ADAMTS2: variants seen among roughly 807,000 people sequenced by gnomAD.
The protein encoded by ADAMTS2 is A disintegrin and metalloproteinase with thrombospondin motifs 2.
A neutral mutation model predicts 123.0 loss-of-function variants in ADAMTS2; 50 were observed. The observed-to-expected ratio is 0.41, with a 90% CI of 0.32 to 0.51. The LOEUF is 0.51. Among genes scored for constraint, ADAMTS2 ranks in the 20% least tolerant of loss-of-function variants. ADAMTS2 has a pLI of 0.35. For synonymous variants in ADAMTS2, 678 were observed against 695.4 expected, an observed-to-expected ratio of 0.98 and a Z score of 0.39; for missense variants, 1,494 against 1,705.2, an observed-to-expected ratio of 0.88 and a Z score of 2.18.
intron 2 of ADAMTS2, among the ~76,000 whole-genome samples, chr5:179,311,134 C>T (rs756039846): frequency 1.1e-4 from 16 of 150,408 alleles, no homozygotes; most frequent in Non-Finnish European, 2.2e-4. Context: ...GGGGAGGATG[C>T]GTATGTTCAG....
At chr5:179,323,660 T>C (rs1235056837) in intron 2 of ADAMTS2, among the ~76,000 whole-genome samples, 6 of 152,222 alleles carry the variant, frequency 3.9e-5, no homozygotes, top group African/African-American at 1.4e-4. Context: ...AACCCCAGAC[T>C]TAACAGCACC....
At chr5:179,153,939 G>A (rs942423456) in intron 8 of ADAMTS2, 110 bp downstream of exon 8, 4 of 1,434,652 alleles carry the variant, frequency 2.8e-6, no homozygotes, top group Non-Finnish European at 3.8e-6. Flanking sequence ...CACAAGCTTA[G>A]AGGACCTGAG....
intron 3 of ADAMTS2, among the ~76,000 whole-genome samples, chr5:179,217,621 C>T (rs541173719): frequency 7.2e-5 from 11 of 151,966 alleles, no homozygotes; most frequent in Middle Eastern, 3.4e-3. Flanking sequence ...TGCTGTTGGG[C>T]GGGCTTTGGG....
At position 179,299,895 on chromosome 5, in the gene ADAMTS2, C is replaced by T. The variant is rs1399460597; in HGVS notation, c.535-26831G>A. Among the ~76,000 whole-genome samples the T allele has an allele frequency of 5.3e-5, 8 of 151,926 alleles. No homozygotes were observed. The East Asian group carries it at 7.8e-4, about 15-fold the overall frequency. On this transcript the variant is annotated intron_variant, in intron 2 of 21. Coordinates refer to ENST00000251582, the MANE Select transcript of ADAMTS2 (RefSeq NM_014244.5). Reference sequence around the variant, plus strand: ...GGATCACAAGGTCAGGAGATGGAGACCATCCTGGCTAACACAGTGAAACCC... The same window carrying T: ...GGATCACAAGGTCAGGAGATGGAGATCATCCTGGCTAACACAGTGAAACCC...
At chr5:179,135,025 T>C (rs1339119798) in intron 13 of ADAMTS2, among the ~76,000 whole-genome samples, 2 of 53,180 alleles carry the variant, frequency 3.8e-5, no homozygotes, top group East Asian at 9.6e-4. Context: ...AGCTCCCGGC[T>C]CCAGCTCCAG....
chr5:179,259,313 A>T (rs116591963), intron 3 of ADAMTS2, among the ~76,000 whole-genome samples: 2 of 152,156 alleles, frequency 1.3e-5, no homozygotes, highest in African/African-American at 2.4e-5. Flanking sequence ...GGCACTTCCC[A>T]AGTCTTTCAT....
chr5:179,178,558 C>T (rs1763980097), intron 5 of ADAMTS2, among the ~76,000 whole-genome samples: 1 of 152,236 alleles, frequency 6.6e-6, no homozygotes, highest in South Asian at 2.1e-4. Flanking sequence ...GGAGAAGTAT[C>T]TTTTTGTAGT....
intron 4 of ADAMTS2, among the ~76,000 whole-genome samples, chr5:179,187,325 C>T (rs1413608230): frequency 6.6e-6 from 1 of 152,206 alleles, no homozygotes. Context: ...TGAGTCTTCT[C>T]GGGCTGCCCT....
chr5:179,278,249 G>C (rs1766800366), intron 2 of ADAMTS2, among the ~76,000 whole-genome samples: 1 of 150,412 alleles, frequency 6.6e-6, no homozygotes, highest in Non-Finnish European at 1.5e-5. Flanking sequence ...GCTCGGGGCG[G>C]GGGGCACTTC....
intron 5 of ADAMTS2, among the ~76,000 whole-genome samples, chr5:179,172,238 C>T (rs1027694213): frequency 1.3e-5 from 2 of 152,218 alleles, no homozygotes; most frequent in African/African-American, 4.8e-5. Flanking sequence ...TCTCAGCACC[C>T]CCAGGGCCTG....
chr5:179,225,572 G>T lies in ADAMTS2; in HGVS notation c.689-17857C>A, dbSNP rs1765264093. On this transcript the variant is annotated intron_variant, in intron 3 of 21. Transcript: ENST00000251582. This position sits in a 1 kb window ranked among gnomAD's most constrained non-coding sequence, Gnocchi z 4.5. Reference sequence around the variant, plus strand: ...GCTGGACGTCGAGAGGAGCGCATGAGGGGAGGAACACACAGGCGGCTGGAC... The same window carrying T: ...GCTGGACGTCGAGAGGAGCGCATGATGGGAGGAACACACAGGCGGCTGGAC... Among the ~76,000 whole-genome samples the T allele has an allele frequency of 6.6e-6, 1 of 151,928 alleles. No individual in the cohort carries two copies. The highest frequency in any genetic ancestry group is 2.1e-4 in the South Asian group (1 of 4,816).
chr5:179,264,491 C>T (rs916647828), intron 3 of ADAMTS2, among the ~76,000 whole-genome samples: 1 of 152,230 alleles, frequency 6.6e-6, no homozygotes, highest in African/African-American at 2.4e-5. Context: ...GCCCAGCCCA[C>T]AGTTGCTGAT....
intron 3 of ADAMTS2, among the ~76,000 whole-genome samples, chr5:179,218,696 T>C (rs1261747303): frequency 6.6e-6 from 1 of 152,208 alleles, no homozygotes; most frequent in East Asian, 1.9e-4. Flanking sequence ...CAGGAACCGC[T>C]GTGCCGAATC....
At chr5:179,299,353 T>C (rs71596418) in intron 2 of ADAMTS2, among the ~76,000 whole-genome samples, 3,397 of 5,158 alleles carry the variant, frequency 0.66, 1,233 homozygotes, top group East Asian at 0.97. Flanking sequence ...CACGGTGAAA[T>C]CCTGTCTCTG....
chr5:179,143,694 A>G (rs10038655), intron 10 of ADAMTS2, among the ~76,000 whole-genome samples: 22,678 of 152,088 alleles, frequency 0.15, 1,797 homozygotes, highest in African/African-American at 0.21. Flanking sequence ...GTCCCTGCTG[A>G]CGTGAGGACA....
intron 4 of ADAMTS2, among the ~76,000 whole-genome samples, chr5:179,186,731 A>C (rs998547428): frequency 2.0e-5 from 3 of 152,274 alleles, no homozygotes; most frequent in African/African-American, 7.2e-5. Flanking sequence ...GGCGACCTCC[A>C]CATGCCTGCC....
intron 4 of ADAMTS2, among the ~76,000 whole-genome samples, chr5:179,184,518 A>C (rs1353449610): frequency 2.4e-5 from 3 of 123,720 alleles, no homozygotes; most frequent in African/African-American, 7.7e-5. Context: ...CTAAAAAAAA[A>C]AAAAAAAAAA....
rs1763527102 is a variant in ADAMTS2, at chr5:179,158,397, T to C, written c.1132+326A>G. On this transcript the variant is annotated intron_variant, in intron 6 of 21. Coordinates refer to ENST00000251582, the MANE Select transcript of ADAMTS2 (RefSeq NM_014244.5). This position sits in a 1 kb window ranked among gnomAD's most constrained non-coding sequence, Gnocchi z 5.0. The stretch of plus-strand genomic sequence containing the variant: ...TGTGAGATGCTCTCTGTCTATAGAG[T>C]GAGTGGAGGTGACAGGCCTCCTTTC... Among the ~76,000 whole-genome samples, 4 of 152,232 alleles carry C rather than the reference T, an allele frequency of 2.6e-5. No individual in the cohort carries two copies. The highest frequency in any genetic ancestry group is 9.6e-5 in the African/African-American group (4 of 41,456).
chr5:179,328,697 T>C (rs1413204018), intron 2 of ADAMTS2, among the ~76,000 whole-genome samples: 1 of 152,260 alleles, frequency 6.6e-6, no homozygotes, highest in Admixed American at 6.5e-5. Context: ...TCACCTACTG[T>C]ATTATAAATT....
Sources: allele counts gnomAD v4.1 joint callset (sites outside exome capture counted in the v4.1 genomes callset), GRCh38; gene constraint gnomAD v4.1.1; non-coding constraint Gnocchi (gnomAD v3.1); transcripts MANE v1.5; gene names NCBI Gene and HGNC (gene_info 2026-07-23, HGNC 2026-07-21).